Variants in SEC22C observed in about 807,000 individuals in gnomAD.
SEC22C encodes the protein vesicle-trafficking protein SEC22c.
SEC22C carries 29 observed loss-of-function variants against 34.7 expected under a neutral mutation model. That is an observed-to-expected ratio of 0.84 (90% CI 0.62 to 1.14). The LOEUF is 1.14. Among genes scored for constraint, SEC22C ranks in the 50% most tolerant of loss-of-function variants. The probability of loss-of-function intolerance (pLI) is 0.00; values close to 1 mark genes in which losing one functional copy is unlikely to be tolerated. For missense variants in SEC22C, 337 were observed against 369.0 expected, an observed-to-expected ratio of 0.91 and a Z score of 0.71; for synonymous variants, 117 against 132.8, an observed-to-expected ratio of 0.88 and a Z score of 0.82.
At position 42,563,673 on chromosome 3, in the gene SEC22C, C is replaced by T. The variant is rs1352835080; in HGVS notation, c.196G>A (p.Gly66Arg). Residue 66 changes from glycine (G) to arginine (R), a missense_variant, in exon 3 of 7, where the codon GGG (glycine) becomes AGG (arginine). Transcript: ENST00000264454. Reference protein sequence around the residue: ...CDFSIHFSSFGDVACMAICSC... With the variant: ...CDFSIHFSSFRDVACMAICSC... ...CAGATAGCCATGCAGGCCACGTCCC[C>T]GAAAGAAGAAAAACTGAAACAAAAG... The T allele has an allele frequency of 1.9e-6, 3 of 1,613,796 alleles. No individual in the cohort carries two copies. The South Asian group carries it at 3.3e-5, about 18-fold the overall frequency.
intron 1 of SEC22C, among the ~76,000 whole-genome samples, chr3:42,595,706 G>GTA (rs1705008813): frequency 6.6e-6 from 1 of 152,210 alleles, no homozygotes; most frequent in Non-Finnish European, 1.5e-5. Context: ...ATTCTTGTAA[G>GTA]TATATCCAAA....
At chr3:42,584,150 A>C (rs1283479368), upstream of SEC22C, among the ~76,000 whole-genome samples, 1 of 152,242 alleles carries the variant, frequency 6.6e-6, no homozygotes, top group Non-Finnish European at 1.5e-5. Flanking sequence ...TATTGTAGAT[A>C]TATAGATATC....
At chr3:42,560,064 C>A (rs1038409239) in intron 4 of SEC22C, among the ~76,000 whole-genome samples, 1 of 149,172 alleles carries the variant, frequency 6.7e-6, no homozygotes, top group Non-Finnish European at 1.5e-5. Flanking sequence ...GGTTTCAGAT[C>A]TACAACATTT....
At chr3:42,566,503 C>T (rs1003122992) in intron 2 of SEC22C, among the ~76,000 whole-genome samples, 1 of 150,918 alleles carries the variant, frequency 6.6e-6, no homozygotes, top group Non-Finnish European at 1.5e-5. Flanking sequence ...GGTGAAACGC[C>T]GTCTCTACTA....
At chr3:42,581,516 T>C (rs1446060864) in intron 1 of SEC22C, among the ~76,000 whole-genome samples, 2 of 152,378 alleles carry the variant, frequency 1.3e-5, no homozygotes, top group East Asian at 3.9e-4. Flanking sequence ...GTGAGCTTCG[T>C]GAATGGTTAA....
intron 2 of SEC22C, among the ~76,000 whole-genome samples, chr3:42,568,581 G>C (rs954675984): frequency 4.6e-5 from 7 of 151,738 alleles, no homozygotes; most frequent in African/African-American, 1.5e-4. Flanking sequence ...AGGAGGCGGA[G>C]GTTGCAGTGA....
intron 1 of SEC22C, among the ~76,000 whole-genome samples, chr3:42,569,752 A>G (rs1281081866): frequency 6.6e-6 from 1 of 152,236 alleles, no homozygotes; most frequent in East Asian, 1.9e-4. Context: ...ATCATATTAC[A>G]GTGATATGTG....
At chr3:42,559,916 G>T (rs998741952) in intron 4 of SEC22C, among the ~76,000 whole-genome samples, 4 of 151,808 alleles carry the variant, frequency 2.6e-5, no homozygotes, top group Non-Finnish European at 5.9e-5. Flanking sequence ...TTCACATGAG[G>T]TCTCTGAAAT....
At chr3:42,589,448 CCT>C (rs1327359130) in intron 1 of SEC22C, among the ~76,000 whole-genome samples, 1 of 152,108 alleles carries the variant, frequency 6.6e-6, no homozygotes, top group Admixed American at 6.6e-5. Flanking sequence ...AGATCTCCCT[CCT>C]AAATGAAGTG....
In SEC22C at chr3:42,548,848, A is replaced by C; in HGVS notation, c.*4400T>G. The C allele has an allele frequency of 7.2e-7, 1 of 1,393,938 alleles. No homozygotes were observed. The highest frequency in any genetic ancestry group is 9.3e-7 in the Non-Finnish European group (1 of 1,073,402). 86.3% of individuals were successfully genotyped at this position (1,393,938 alleles called of 1,614,324 possible). A position where few individuals can be genotyped will look rare whatever the true frequency, so the allele number is the denominator to read the frequency against. On this transcript the variant is annotated 3_prime_UTR_variant, in exon 7 of 7. Transcript: ENST00000264454. ...GTGCTGTGCTGCCTGAAGCAGAAAA[A>C]CCTTCATGTACCAGGTGAATGTAAA...
rs77658798 is a variant in SEC22C at position 42,557,200 on chromosome 3, T to C, written c.645+378A>G. Among the ~76,000 whole-genome samples, 370 of 152,376 alleles carry C rather than the reference T, an allele frequency of 2.4e-3. 3 individuals are homozygous for C. Among genetic ancestry groups the C allele is most frequent in the African/African-American group, 8.5e-3 (353 of 41,582 alleles). ...CATCTGCATTATACAAATCAGATTATGGGACAACCTTTTCTCAGGAGAAAA... is the reference window on the plus strand; with the variant it reads ...CATCTGCATTATACAAATCAGATTACGGGACAACCTTTTCTCAGGAGAAAA... On this transcript the variant is annotated intron_variant, in intron 5 of 6. Transcript: ENST00000264454.
rs959153969 is a variant in SEC22C at position 42,550,866 on chromosome 3, G to A, written c.*2382C>T. Reference sequence around the variant, plus strand: ...AGTCCATTTTTAAGCCGTTCTTACCGACTTTTTTTTTTTTTTTTTTTGAGA... The same window carrying A: ...AGTCCATTTTTAAGCCGTTCTTACCAACTTTTTTTTTTTTTTTTTTTGAGA... On this transcript the variant is annotated 3_prime_UTR_variant, in exon 7 of 7. Transcript: ENST00000264454. 21 of 960,350 alleles carry A rather than the reference G, an allele frequency of 2.2e-5. No individual in the cohort carries two copies. The South Asian group carries it at 3.4e-4, about 16-fold the overall frequency. The allele number at this position is 960,350 out of a possible 1,614,324, so 59.5% of individuals were successfully genotyped here. A position where few individuals can be genotyped will look rare whatever the true frequency, so the allele number is the denominator to read the frequency against.
intron 1 of SEC22C, among the ~76,000 whole-genome samples, chr3:42,592,444 C>T (rs1012414742): frequency 6.6e-6 from 1 of 152,220 alleles, no homozygotes; most frequent in African/African-American, 2.4e-5. Context: ...AGATGATCCA[C>T]CCACCTCGAC....
Position 42,569,041 on chromosome 3 carries a change from G to C in SEC22C, c.6C>G (p.Ser2=). The C allele has an allele frequency of 6.2e-7, 1 of 1,613,612 alleles. No homozygotes were observed. Among genetic ancestry groups the C allele is most frequent in the Non-Finnish European group, 8.5e-7 (1 of 1,179,784 alleles). The change falls in exon 2 of 7, where the codon TCC becomes TCG. Residue 2 remains serine (S), a synonymous_variant. Transcript: ENST00000264454. Reference sequence around the variant, plus strand: ...GTACCACGCAGGCAAAAAAGATCACGGACATGGTCCACAAGAGAAGTCATG... The same window carrying C: ...GTACCACGCAGGCAAAAAAGATCACCGACATGGTCCACAAGAGAAGTCATG... M[S]VIFFACVVRV...
upstream of SEC22C, among the ~76,000 whole-genome samples, chr3:42,586,805 G>A (rs1577367732): frequency 6.6e-6 from 1 of 152,128 alleles, no homozygotes; most frequent in East Asian, 1.9e-4. Context: ...TTGTCCCTGA[G>A]TTTCAGCCCC....
At chr3:42,561,349 A>T in intron 3 of SEC22C, 53 bp from the exon 4 acceptor site, 1 of 1,544,694 alleles carries the variant, frequency 6.5e-7, no homozygotes, top group Non-Finnish European at 8.9e-7. Flanking sequence ...TGGATATTAT[A>T]AGACAATACG....
intron 4 of SEC22C, among the ~76,000 whole-genome samples, chr3:42,560,003 CCT>C (rs1425521989): frequency 6.6e-6 from 1 of 151,544 alleles, no homozygotes; most frequent in Non-Finnish European, 1.5e-5. Flanking sequence ...GCTCCAGCCC[CCT>C]GTCCAACGCT....
rs747157937 is a variant in SEC22C, at chr3:42,563,576, T to C, written c.293A>G (p.Tyr98Cys). The part of the protein sequence containing the change: ...ETLWWEFTAS[Y>C]DTTCIGLASR... ...GGCTAGGCCAATGCAGGTAGTGTCA[T>C]AGGAAGCTGTGAATTCCCACCACAG... Residue 98 changes from tyrosine to cysteine, a missense_variant, in exon 3 of 7, where the codon TAT (tyrosine) becomes TGT (cysteine). Physicochemically the swap from Tyr to Cys is radical, Grantham distance 194. Coordinates refer to ENST00000264454, the MANE Select transcript of SEC22C (RefSeq NM_032970.4). The C allele has an allele frequency of 2.8e-5, 45 of 1,614,032 alleles. No individual in the cohort carries two copies. Among genetic ancestry groups the C allele is most frequent in the Admixed American group, 3.3e-5 (2 of 60,012 alleles).
Position 42,561,308 on chromosome 3 carries a change from G to A in SEC22C, c.347-12C>T. 6.2e-7 allele frequency: 1 copy of A among 1,612,956 alleles called. No individual in the cohort carries two copies. The highest frequency in any genetic ancestry group is 8.5e-7 in the Non-Finnish European group (1 of 1,178,948). On this transcript the variant is annotated splice_polypyrimidine_tract_variant and intron_variant, in intron 3 of 6. Transcript: ENST00000264454. ...CTGAATGATGCTGTCTGCAAAAAGA[G>A]AGCAACACAAGTTAAGCATTTTCAT...
Sources: gnomAD v4.1 joint callset for allele counts (sites outside exome capture counted in the v4.1 genomes callset) on GRCh38, gnomAD v4.1.1 for gene constraint, MANE v1.5 for transcripts, NCBI Gene and HGNC (gene_info 2026-07-23, HGNC 2026-07-21) for gene names.